The following ST8SIA5 variants were observed in gnomAD, a reference collection of about 807,000 sequenced individuals.
ST8SIA5 encodes the protein alpha-2,8-sialyltransferase 8E.
ST8SIA5 carries 24 observed loss-of-function variants against 40.2 expected under a neutral mutation model. That is an observed-to-expected ratio of 0.60 (90% CI 0.43 to 0.84). The LOEUF (loss-of-function observed/expected upper bound fraction) is 0.84. Ranked by LOEUF, ST8SIA5 falls within the 40% of genes least tolerant of loss-of-function variation. The pLI, the probability that ST8SIA5 is intolerant of heterozygous loss-of-function variation, is 0.00. For synonymous variants in ST8SIA5, 198 were observed against 201.8 expected, an observed-to-expected ratio of 0.98 and a Z score of 0.16; for missense variants, 465 against 498.5, an observed-to-expected ratio of 0.93 and a Z score of 0.64.
At chr18:46,684,009 G>A (rs2039422647) in intron 5 of ST8SIA5, among the ~76,000 whole-genome samples, 3 of 151,938 alleles carry the variant, frequency 2.0e-5, no homozygotes, top group Non-Finnish European at 4.4e-5. Context: ...GCCTAGAACA[G>A]GACGGAGTCT....
chr18:46,721,543 C>A, intron 1 of ST8SIA5: 1 of 1,261,806 alleles, frequency 7.9e-7, no homozygotes, highest in Non-Finnish European at 1.1e-6. Context: ...GAGCCACATT[C>A]TGTTGCTGTG....
intron 1 of ST8SIA5, among the ~76,000 whole-genome samples, chr18:46,743,547 A>G (rs2040107898): frequency 6.6e-6 from 1 of 152,240 alleles, no homozygotes; most frequent in Non-Finnish European, 1.5e-5. Flanking sequence ...CAAAGCCTCC[A>G]AGAAATATGG....
In ST8SIA5 at chr18:46,674,181, A is replaced by T. The variant is rs2039326084; in HGVS notation, c.*5861T>A. ...AGCCACAGTGATGTAAGAGCCTGAC[A>T]TGTTTGTGTGGCTTTGAGGAAGGGA... On this transcript the variant is annotated 3_prime_UTR_variant, in exon 7 of 7. Coordinates refer to ENST00000315087, the MANE Select transcript of ST8SIA5 (RefSeq NM_013305.6). The T allele has an allele frequency of 6.6e-6, 1 of 152,198 alleles. No homozygotes were observed. The highest frequency in any genetic ancestry group is 2.4e-5 in the African/African-American group (1 of 41,454). 9.4% of individuals were successfully genotyped at this position (152,198 alleles called of 1,614,324 possible). A position where few individuals can be genotyped will look rare whatever the true frequency, so the allele number is the denominator to read the frequency against.
intron 1 of ST8SIA5, among the ~76,000 whole-genome samples, chr18:46,706,433 T>C (rs918517623): frequency 2.0e-5 from 2 of 99,190 alleles, no homozygotes; most frequent in African/African-American, 2.9e-5. Flanking sequence ...GGGCTACCCC[T>C]GCTCACTGTC....
intron 1 of ST8SIA5, among the ~76,000 whole-genome samples, chr18:46,738,258 A>G (rs968645271): frequency 1.3e-5 from 2 of 151,432 alleles, no homozygotes; most frequent in Non-Finnish European, 2.9e-5. Context: ...TGTCAAAAAA[A>G]AAAAAAAGGT....
chr18:46,680,963 T>A (rs948515869), intron 6 of ST8SIA5, among the ~76,000 whole-genome samples: 11 of 151,886 alleles, frequency 7.2e-5, no homozygotes, highest in Non-Finnish European at 1.5e-4. Context: ...CGTTTCTCTC[T>A]CACACACTAG....
At chr18:46,746,569 G>A (rs1420282786) in intron 1 of ST8SIA5, among the ~76,000 whole-genome samples, 1 of 152,094 alleles carries the variant, frequency 6.6e-6, no homozygotes, top group Non-Finnish European at 1.5e-5. Context: ...AATAAAAGAG[G>A]ACACAAACAA....
intron 1 of ST8SIA5, among the ~76,000 whole-genome samples, chr18:46,710,212 T>G (rs1286073899): frequency 6.6e-6 from 1 of 152,108 alleles, no homozygotes; most frequent in Non-Finnish European, 1.5e-5. Context: ...CTCTCTGCCC[T>G]CCACTAAGTG....
chr18:46,685,775 G>A (rs2039439978), intron 5 of ST8SIA5: 1 of 205,000 alleles, frequency 4.9e-6, no homozygotes, highest in Non-Finnish European at 1.0e-5. Flanking sequence ...CTCTGGCTTA[G>A]TTAAAGCCAG....
chr18:46,673,351 A>G lies in ST8SIA5; in HGVS notation c.*6691T>C, dbSNP rs2039320419. ...CTAGGTACATAGTGGGTTATATATT[A>G]TATTTGTATGTACAGAAAAGGCAGA... On this transcript the variant is annotated 3_prime_UTR_variant, in exon 7 of 7. Coordinates refer to ENST00000315087, the MANE Select transcript of ST8SIA5 (RefSeq NM_013305.6). The G allele has an allele frequency of 6.6e-6, 1 of 152,168 alleles. No individual in the cohort carries two copies. The highest frequency in any genetic ancestry group is 2.4e-5 in the African/African-American group (1 of 41,430). 9.4% of individuals were successfully genotyped at this position (152,168 alleles called of 1,614,324 possible).
In ST8SIA5 at chr18:46,689,305, C is replaced by T. The variant is rs188478915; in HGVS notation, c.312-386G>A. ...GTCTGCACTGTATGGAACTCCTCGA[C>T]GGAGCCTGAGTCCTGGCCACTAATA... is the stretch of plus-strand genomic sequence containing the variant. On this transcript the variant is annotated intron_variant, in intron 3 of 6. Transcript: ENST00000315087. Among the ~76,000 whole-genome samples, 115 of 152,280 alleles carry T rather than the reference C, an allele frequency of 7.6e-4. 1 individual carries two copies. In the East Asian group the frequency reaches 0.02, roughly 26 times the overall value.
rs1404733861 is a variant in ST8SIA5 at position 46,670,461 on chromosome 18, A to ATTTTTT, written c.*9580_*9581insAAAAAA. On this transcript the variant is annotated 3_prime_UTR_variant, in exon 7 of 7. Coordinates refer to ENST00000315087, the MANE Select transcript of ST8SIA5 (RefSeq NM_013305.6). ...TTAGTTTTGGTCTTTTTTAATTATT[A>ATTTTTT]TTTTGAGACAGGGTCTGGCTCTGTC... The ATTTTTT allele has an allele frequency of 1.3e-5, 2 of 152,030 alleles. No homozygotes were observed. The highest frequency in any genetic ancestry group is 2.9e-5 in the Non-Finnish European group (2 of 68,018). 9.4% of individuals were successfully genotyped at this position (152,030 alleles called of 1,614,324 possible).
intron 1 of ST8SIA5, among the ~76,000 whole-genome samples, chr18:46,716,066 T>C (rs2039785734): frequency 1.3e-5 from 2 of 148,634 alleles, no homozygotes; most frequent in Non-Finnish European, 3.0e-5. Flanking sequence ...CCATGAGTGC[T>C]GGGACTGTGG....
rs1299217730 is a variant in ST8SIA5, at chr18:46,690,163, C to T, written c.312-1244G>A. ...TTGAGGGATACTGACTCACACTAAC[C>T]AAGCTCATAAGTGACTGATATACAA... On this transcript the variant is annotated intron_variant, in intron 3 of 6. Transcript: ENST00000315087. 4.6e-5 allele frequency among the ~76,000 whole-genome samples: 7 copies of T among 152,346 alleles called. No homozygotes were observed. In the South Asian group the frequency reaches 1.4e-3, roughly 32 times the overall value.
intron 1 of ST8SIA5, among the ~76,000 whole-genome samples, chr18:46,712,033 G>A (rs2039737889): frequency 6.6e-6 from 1 of 152,166 alleles, no homozygotes; most frequent in South Asian, 2.1e-4. Flanking sequence ...CAGGGTGGGG[G>A]TTGGGGGTAG....
At position 46,680,405 on chromosome 18, in the gene ST8SIA5, G is replaced by A. The variant is rs186819997; in HGVS notation, c.768C>T (p.Asp256=). The A allele has an allele frequency of 2.0e-4, 325 of 1,613,650 alleles. 3 individuals are homozygous for A. The East Asian group carries it at 7.2e-3, about 36-fold the overall frequency. The change falls in exon 7 of 7, where the codon GAC becomes GAT. Residue 256 remains aspartate (D), a synonymous_variant. Transcript: ENST00000315087. ...LPAFYNTRNT[D]VSIRVKYVLD... The stretch of plus-strand genomic sequence containing the variant: ...GCACGTACTTGACGCGGATGGACAC[G>A]TCGGTGTTGCGCGTGTTGTAGAAGG...
chr18:46,681,818 T>C (rs2039398994), intron 6 of ST8SIA5, among the ~76,000 whole-genome samples, 154 bp downstream of exon 6: 1 of 152,276 alleles, frequency 6.6e-6, no homozygotes, highest in Non-Finnish European at 1.5e-5. Context: ...AGATATGTTA[T>C]CCTGTTTTTG....
intron 1 of ST8SIA5, among the ~76,000 whole-genome samples, chr18:46,721,102 C>T (rs1188484134): frequency 6.6e-6 from 1 of 152,104 alleles, no homozygotes; most frequent in Non-Finnish European, 1.5e-5. Flanking sequence ...AGGTTTGAGA[C>T]CAAGACTCCC....
chr18:46,737,268 G>A (rs747572858), intron 1 of ST8SIA5, among the ~76,000 whole-genome samples: 9 of 151,848 alleles, frequency 5.9e-5, no homozygotes, highest in South Asian at 2.1e-4. Flanking sequence ...CTCCCACCCC[G>A]CCCCATTGCT....
Sources: allele counts gnomAD v4.1 joint callset (sites outside exome capture counted in the v4.1 genomes callset), GRCh38; gene constraint gnomAD v4.1.1; transcripts MANE v1.5; gene names NCBI Gene and HGNC (gene_info 2026-07-23, HGNC 2026-07-21).